Variants in PCDH15 observed in about 807,000 individuals in gnomAD.
PCDH15 encodes the protein protocadherin related 15.
PCDH15 carries 129 observed loss-of-function variants against 178.5 expected under a neutral mutation model. The observed-to-expected ratio is 0.72, with a 90% confidence interval of 0.63 to 0.84. The LOEUF is 0.84. Ranked by LOEUF, PCDH15 falls within the 40% of genes least tolerant of loss-of-function variation. PCDH15 has a pLI of 0.00. For synonymous variants in PCDH15, 800 were observed against 732.0 expected (o/e 1.09, Z -1.50); for missense variants, 2,230 against 2,099.9 (o/e 1.06, Z -1.21).
At chr10:54,060,770 A>C (rs1159343436) in intron 18 of PCDH15, among the ~76,000 whole-genome samples, 1 of 152,124 alleles carries the variant, frequency 6.6e-6, no homozygotes, top group Non-Finnish European at 1.5e-5. Flanking sequence ...TCATGGAGTC[A>C]CGTGATCTAG....
chr10:54,849,205 C>T (rs1002917334), intron 3 of PCDH15, among the ~76,000 whole-genome samples: 12 of 152,002 alleles, frequency 7.9e-5, no homozygotes, highest in Non-Finnish European at 1.6e-4. Context: ...AAAAAAACTA[C>T]GCTTTCTGAA....
chr10:55,298,933 T>A (rs1289845222), intron 1 of PCDH15, among the ~76,000 whole-genome samples: 1 of 152,150 alleles, frequency 6.6e-6, no homozygotes. Flanking sequence ...GCTTCTATAA[T>A]TTTCTCATAA....
intron 2 of PCDH15, among the ~76,000 whole-genome samples, chr10:54,638,098 C>A (rs2093904445): frequency 1.3e-5 from 2 of 151,952 alleles, no homozygotes; most frequent in African/African-American, 4.8e-5. Flanking sequence ...TCCCCCTCCA[C>A]CCTGTGTCAC....
intron 3 of PCDH15, among the ~76,000 whole-genome samples, chr10:54,852,400 C>A (rs1953638654): frequency 6.6e-6 from 1 of 151,930 alleles, no homozygotes; most frequent in Admixed American, 6.6e-5. Flanking sequence ...GTGGAAAATG[C>A]CTCTTAAAGA....
intron 2 of PCDH15, among the ~76,000 whole-genome samples, chr10:55,383,172 A>G (rs1837577576): frequency 6.6e-6 from 1 of 152,068 alleles, no homozygotes; most frequent in African/African-American, 2.4e-5. Context: ...GAAGAAGGGG[A>G]TCTTTTCCTG....
chr10:54,917,261 C>T (rs897012244), intron 2 of PCDH15, among the ~76,000 whole-genome samples: 1 of 152,070 alleles, frequency 6.6e-6, no homozygotes, highest in African/African-American at 2.4e-5. Context: ...AGCCAATAGC[C>T]TTTTTGTCAG....
At chr10:55,125,163 T>TTTTGTG (rs1554833072) in intron 2 of PCDH15, among the ~76,000 whole-genome samples, 3 of 142,980 alleles carry the variant, frequency 2.1e-5, no homozygotes, top group Non-Finnish European at 4.6e-5. Flanking sequence ...TTTTTTTTAA[T>TTTTGTG]TGTGTGTGTG....
chr10:55,350,228 C>CATAT (rs869240598), intron 2 of PCDH15, among the ~76,000 whole-genome samples: 1,898 of 72,416 alleles, frequency 0.026, 45 homozygotes, highest in Middle Eastern at 0.045. Flanking sequence ...TATATAAACT[C>CATAT]ATATATATAT....
At chr10:55,024,634 C>T (rs1354532338) in intron 2 of PCDH15, among the ~76,000 whole-genome samples, 4 of 151,852 alleles carry the variant, frequency 2.6e-5, no homozygotes, top group Non-Finnish European at 4.4e-5. Flanking sequence ...CTCTATGTAC[C>T]CCATCTCAAG....
upstream of PCDH15, among the ~76,000 whole-genome samples, chr10:54,805,104 T>G (rs111536157): frequency 6.6e-6 from 1 of 151,320 alleles, no homozygotes; most frequent in African/African-American, 2.4e-5. Flanking sequence ...TTTCAAAGTA[T>G]CGGGTTAAAT....
At chr10:55,353,375 C>G (rs1363081876) in intron 2 of PCDH15, among the ~76,000 whole-genome samples, 1 of 152,116 alleles carries the variant, frequency 6.6e-6, no homozygotes, top group Non-Finnish European at 1.5e-5. Flanking sequence ...TTGCACCAAC[C>G]TACAAAGTGG....
intron 26 of PCDH15, among the ~76,000 whole-genome samples, chr10:53,900,247 G>A (rs1447637080): frequency 7.4e-6 from 1 of 134,304 alleles, no homozygotes; most frequent in Non-Finnish European, 1.6e-5. Context: ...CCCTCTCTCT[G>A]TCTGTCTCTC....
At chr10:55,402,546 T>C (rs1221534087) in intron 2 of PCDH15, among the ~76,000 whole-genome samples, 1 of 151,986 alleles carries the variant, frequency 6.6e-6, no homozygotes, top group East Asian at 1.9e-4. Context: ...TATGCTACTC[T>C]CTACTCCACA....
chr10:53,933,006 T>C (rs1229632940), intron 25 of PCDH15, among the ~76,000 whole-genome samples: 2 of 151,916 alleles, frequency 1.3e-5, no homozygotes, highest in African/African-American at 4.8e-5. Context: ...TGCCATGGGA[T>C]GTGCCTGCTC....
chr10:54,766,272 AAG>A (rs1211090022), intron 1 of PCDH15, among the ~76,000 whole-genome samples: 8 of 152,132 alleles, frequency 5.3e-5, no homozygotes, highest in African/African-American at 1.7e-4. Context: ...CAATGAGAGA[AAG>A]AGATAAATTA....
intron 2 of PCDH15, among the ~76,000 whole-genome samples, chr10:55,471,001 T>C (rs537174771): frequency 1.3e-5 from 2 of 152,314 alleles, no homozygotes; most frequent in South Asian, 4.1e-4. Context: ...GGCTAATTTG[T>C]TTTTAATGCT....
chr10:55,580,493 G>C (rs560282970), intron 2 of PCDH15, among the ~76,000 whole-genome samples: 1 of 151,952 alleles, frequency 6.6e-6, no homozygotes, highest in Non-Finnish European at 1.5e-5. Context: ...GAGCAGCTGG[G>C]ATTACAGGTG....
chr10:53,896,946 T>A (rs2081992384), intron 26 of PCDH15, among the ~76,000 whole-genome samples: 1 of 152,198 alleles, frequency 6.6e-6, no homozygotes, highest in African/African-American at 2.4e-5. Context: ...CATTATATAT[T>A]ACGATGTAAT....
chr10:54,943,790 A>T (rs1838120260), intron 2 of PCDH15, among the ~76,000 whole-genome samples: 3 of 151,876 alleles, frequency 2.0e-5, no homozygotes, highest in Admixed American at 2.0e-4. Context: ...GATCTTAAAA[A>T]AAGCACGATC....
Sources: allele counts gnomAD v4.1 joint callset (sites outside exome capture counted in the v4.1 genomes callset), GRCh38; gene constraint gnomAD v4.1.1; transcripts MANE v1.5; gene names NCBI Gene and HGNC (gene_info 2026-07-23, HGNC 2026-07-21).